Variants in PPP1R12B observed in about 807,000 individuals in gnomAD.
PPP1R12B encodes the protein myosin phosphatase target subunit 2.
In PPP1R12B, 76 loss-of-function variants were observed where a neutral mutation model predicts 126.1. The ratio of observed to expected loss-of-function variants is 0.60; its 90% CI spans 0.50 to 0.73. The LOEUF (loss-of-function observed/expected upper bound fraction) is 0.73. Among genes scored for constraint, PPP1R12B ranks in the 30% least tolerant of loss-of-function variants. The pLI, the probability that PPP1R12B is intolerant of heterozygous loss-of-function variation, is 0.00. For synonymous variants in PPP1R12B, 356 were observed against 434.7 expected (o/e 0.82, Z 2.25); for missense variants, 1,052 against 1,205.1 (o/e 0.87, Z 1.88).
chr1:202,437,493 G>C (rs1670984668), intron 9 of PPP1R12B, among the ~76,000 whole-genome samples: 2 of 152,238 alleles, frequency 1.3e-5, no homozygotes, highest in East Asian at 1.9e-4. Context: ...GTTAGAAGAA[G>C]GTATATTACT....
intron 1 of PPP1R12B, among the ~76,000 whole-genome samples, chr1:202,403,141 A>G (rs1666096241): frequency 6.6e-6 from 1 of 152,200 alleles, no homozygotes; most frequent in South Asian, 2.1e-4. Context: ...GGCTTGGTGT[A>G]ACACAGTAGA....
At chr1:202,533,368 G>A (rs1484686010) in intron 18 of PPP1R12B, among the ~76,000 whole-genome samples, 1 of 152,078 alleles carries the variant, frequency 6.6e-6, no homozygotes, top group African/African-American at 2.4e-5. Context: ...TTAGCTCACT[G>A]TATCCTCTGC....
chr1:202,444,277 C>CT (rs1572053550), intron 12 of PPP1R12B, among the ~76,000 whole-genome samples: 1 of 152,186 alleles, frequency 6.6e-6, no homozygotes, highest in East Asian at 1.9e-4. Flanking sequence ...GGCTTTATAG[C>CT]TTTTTTTGGT....
intron 1 of PPP1R12B, among the ~76,000 whole-genome samples, chr1:202,357,138 A>G (rs906908670): frequency 2.0e-5 from 3 of 152,170 alleles, no homozygotes; most frequent in Non-Finnish European, 4.4e-5. Flanking sequence ...GCATCTGGCC[A>G]TGATTCAGAC....
rs1244857553 is a variant in PPP1R12B at position 202,484,880 on chromosome 1, A to G, written c.1851-3653A>G. On this transcript the variant is annotated intron_variant, in intron 13 of 23. Coordinates refer to ENST00000608999, the MANE Select transcript of PPP1R12B (RefSeq NM_002481.4). ...GGGGTACAGGGCTGCTGCTTGACCA[A>G]CTATCAGGCCAAGCATGGGTACAGC... Among the ~76,000 whole-genome samples, 3 of 152,190 alleles carry G rather than the reference A, an allele frequency of 2.0e-5. No homozygotes were observed. The East Asian group carries it at 5.8e-4, about 30-fold the overall frequency.
At chr1:202,353,053 C>T (rs1016793985) in intron 1 of PPP1R12B, among the ~76,000 whole-genome samples, 2 of 152,030 alleles carry the variant, frequency 1.3e-5, no homozygotes, top group East Asian at 1.9e-4. Flanking sequence ...GCTAAAATCA[C>T]GTATTTCTCA....
Position 202,569,198 on chromosome 1 carries a change from G to A in PPP1R12B, c.2862+1G>A. On this transcript the variant is annotated splice_donor_variant, in intron 23 of 23. Coordinates refer to ENST00000608999, the MANE Select transcript of PPP1R12B (RefSeq NM_002481.4). LOFTEE classifies it high-confidence loss of function. ...GTCAGAAATGGAGGAAGAAATGAAGGTATGAAGAGATTTTCTTTCTTTTTG... is the reference window on the plus strand; with the variant it reads ...GTCAGAAATGGAGGAAGAAATGAAGATATGAAGAGATTTTCTTTCTTTTTG... 1 of 1,612,792 alleles carries A rather than the reference G, an allele frequency of 6.2e-7. No homozygotes were observed. Among genetic ancestry groups the A allele is most frequent in the Non-Finnish European group, 8.5e-7 (1 of 1,178,876 alleles).
chr1:202,410,339 T>C (rs192815585), intron 1 of PPP1R12B: 1 of 152,366 alleles, frequency 6.6e-6, no homozygotes, highest in Admixed American at 6.5e-5. Flanking sequence ...GGCTGAAAAA[T>C]CCAAACAAGT....
chr1:202,400,869 CT>C (rs1418282343), intron 1 of PPP1R12B, among the ~76,000 whole-genome samples: 1 of 152,234 alleles, frequency 6.6e-6, no homozygotes, highest in African/African-American at 2.4e-5. Context: ...TGAATTCAAA[CT>C]TTCTGGCCAA....
intron 1 of PPP1R12B, among the ~76,000 whole-genome samples, chr1:202,379,466 C>A (rs1465933201): frequency 1.3e-5 from 2 of 152,200 alleles, no homozygotes; most frequent in African/African-American, 2.4e-5. Flanking sequence ...GTCCCCATCT[C>A]CACCGTCTAC....
chr1:202,457,758 A>T (rs1280864379), intron 13 of PPP1R12B, among the ~76,000 whole-genome samples: 2 of 152,164 alleles, frequency 1.3e-5, no homozygotes, highest in African/African-American at 2.4e-5. Context: ...CAGAGGAGGT[A>T]ACTGGAGTTG....
chr1:202,561,385 CTTT>C (rs201561914), intron 19 of PPP1R12B, among the ~76,000 whole-genome samples: 5 of 138,418 alleles, frequency 3.6e-5, no homozygotes, highest in Non-Finnish European at 4.7e-5. Flanking sequence ...AGACTGCAGT[CTTT>C]TTTTTTTTTT....
chr1:202,362,572 T>A (rs1163273238), intron 1 of PPP1R12B, among the ~76,000 whole-genome samples: 1 of 152,112 alleles, frequency 6.6e-6, no homozygotes, highest in African/African-American at 2.4e-5. Context: ...TGGCACCAGT[T>A]TTCAGTTGAG....
Position 202,416,771 on chromosome 1 carries a change from G to T in PPP1R12B, c.292-16G>T, listed in dbSNP as rs1668130275. Reference sequence around the variant, plus strand: ...ATGAATACTTGTTGAATGAATGAATGGACTTTTCTTTTCAGGCATGTATTG... The same window carrying T: ...ATGAATACTTGTTGAATGAATGAATTGACTTTTCTTTTCAGGCATGTATTG... On this transcript the variant is annotated splice_polypyrimidine_tract_variant and intron_variant, in intron 1 of 23. Coordinates refer to ENST00000608999, the MANE Select transcript of PPP1R12B (RefSeq NM_002481.4). 1.2e-6 allele frequency: 2 copies of T among 1,611,442 alleles called. No individual in the cohort carries two copies. The highest frequency in any genetic ancestry group is 1.7e-5 in the Admixed American group (1 of 59,838).
chr1:202,522,451 T>C (rs1184013317), intron 18 of PPP1R12B, among the ~76,000 whole-genome samples: 1 of 151,572 alleles, frequency 6.6e-6, no homozygotes, highest in East Asian at 1.9e-4. Context: ...GTAATAGAAA[T>C]ATAGAAATAG....
At chr1:202,523,026 T>C (rs1310194734) in intron 18 of PPP1R12B, among the ~76,000 whole-genome samples, 1 of 152,180 alleles carries the variant, frequency 6.6e-6, no homozygotes, top group Non-Finnish European at 1.5e-5. Context: ...CATAAAGAAT[T>C]TGAACAGCAT....
chr1:202,426,620 A>G (rs753988754), intron 4 of PPP1R12B, among the ~76,000 whole-genome samples: 1 of 152,178 alleles, frequency 6.6e-6, no homozygotes, highest in African/African-American at 2.4e-5. Context: ...TATTGTTGAC[A>G]CTATTACAGA....
At chr1:202,453,574 G>A (rs1303508908) in intron 13 of PPP1R12B, among the ~76,000 whole-genome samples, 4 of 152,198 alleles carry the variant, frequency 2.6e-5, no homozygotes, top group East Asian at 3.9e-4. Flanking sequence ...CAGGTCCCAC[G>A]TGAGTATGTA....
At chr1:202,445,107 TCTC>T (rs748613574) in intron 12 of PPP1R12B, 91 of 1,247,142 alleles carry the variant, frequency 7.3e-5, no homozygotes, top group Non-Finnish European at 9.1e-5. Flanking sequence ...TCGCAATTCA[TCTC>T]CTGCTACCTC....
Sources: gnomAD v4.1 joint callset for allele counts (sites outside exome capture counted in the v4.1 genomes callset) on GRCh38, gnomAD v4.1.1 for gene constraint, MANE v1.5 for transcripts, NCBI Gene and HGNC (gene_info 2026-07-23, HGNC 2026-07-21) for gene names.